The following WWTR1 variants were observed in gnomAD, a reference collection of about 807,000 sequenced individuals.
The protein encoded by WWTR1 is WW domain-containing transcription regulator protein 1.
In WWTR1, 13 loss-of-function variants were observed where a neutral mutation model predicts 40.1. The observed-to-expected ratio is 0.32, with a 90% CI of 0.21 to 0.52. WWTR1 has a LOEUF of 0.52. WWTR1 is among the 20% of genes least tolerant of loss of function. WWTR1 has a pLI of 0.97. For missense variants in WWTR1, 436 were observed against 523.1 expected, an observed-to-expected ratio of 0.83 and a Z score of 1.63; for synonymous variants, 230 against 210.1, an observed-to-expected ratio of 1.09 and a Z score of -0.82.
chr3:149,641,872 C>T (rs1335470803), intron 2 of WWTR1, among the ~76,000 whole-genome samples: 1 of 152,200 alleles, frequency 6.6e-6, no homozygotes, highest in Non-Finnish European at 1.5e-5. Flanking sequence ...ACACAGCTTT[C>T]CAAGGCCCAA....
chr3:149,531,994 C>T lies in WWTR1; in HGVS notation c.772-4025G>A, dbSNP rs973068145. 3.3e-5 allele frequency among the ~76,000 whole-genome samples: 5 copies of T among 152,172 alleles called. No individual in the cohort carries two copies. In the South Asian group the frequency reaches 1.0e-3, roughly 31 times the overall value. Reference sequence around the variant, plus strand: ...GCTCCATCCTCAAGAAATGGTCCTGCTGCACTCTTTCCTGCTCCTCACATA... The same window carrying T: ...GCTCCATCCTCAAGAAATGGTCCTGTTGCACTCTTTCCTGCTCCTCACATA... On this transcript the variant is annotated intron_variant, in intron 4 of 6. Coordinates refer to ENST00000360632, the MANE Select transcript of WWTR1 (RefSeq NM_015472.6).
chr3:149,682,145 C>A (rs150468364), intron 1 of WWTR1, among the ~76,000 whole-genome samples: 1 of 152,276 alleles, frequency 6.6e-6, no homozygotes, highest in African/African-American at 2.4e-5. Context: ...CCATCTTCCA[C>A]CCTAACATTT....
At chr3:149,698,002 A>G (rs1715046078) in intron 1 of WWTR1, among the ~76,000 whole-genome samples, 1 of 152,230 alleles carries the variant, frequency 6.6e-6, no homozygotes, top group African/African-American at 2.4e-5. Flanking sequence ...TAGGCTTCCA[A>G]GGCCTTGAGC....
intron 2 of WWTR1, among the ~76,000 whole-genome samples, chr3:149,578,892 TA>T (rs952085512): frequency 2.6e-5 from 4 of 151,928 alleles, no homozygotes; most frequent in African/African-American, 9.7e-5. Context: ...TCAAAAAAAA[TA>T]AAATAAAATA....
intron 2 of WWTR1, among the ~76,000 whole-genome samples, chr3:149,605,422 G>A (rs1049465775): frequency 1.3e-5 from 2 of 152,124 alleles, no homozygotes; most frequent in African/African-American, 4.8e-5. Context: ...TGTATGAGGC[G>A]GGACTGAGAG....
At chr3:149,621,240 T>C (rs1318311903) in intron 2 of WWTR1, among the ~76,000 whole-genome samples, 1 of 152,248 alleles carries the variant, frequency 6.6e-6, no homozygotes, top group Non-Finnish European at 1.5e-5. Flanking sequence ...TTTTAAACTT[T>C]TCAAGTTTCT....
At chr3:149,528,785 C>A (rs1183594190) in intron 4 of WWTR1, among the ~76,000 whole-genome samples, 1 of 152,004 alleles carries the variant, frequency 6.6e-6, no homozygotes, top group Non-Finnish European at 1.5e-5. Context: ...AACAAAAAAA[C>A]AAAAAAGTCA....
chr3:149,544,668 C>T (rs1736287555), intron 3 of WWTR1, among the ~76,000 whole-genome samples: 1 of 152,160 alleles, frequency 6.6e-6, no homozygotes, highest in African/African-American at 2.4e-5. Flanking sequence ...TGTACCCCGT[C>T]CAACTGTCCC....
rs758803659 is a variant in WWTR1 at position 149,520,904 on chromosome 3, G to A, written c.1104C>T (p.Asn368=). Residue 368 remains asparagine (N), a synonymous_variant, in exon 7 of 7, where the codon AAC becomes AAT. Coordinates refer to ENST00000360632, the MANE Select transcript of WWTR1 (RefSeq NM_015472.6). The stretch of plus-strand genomic sequence containing the variant: ...CAGATTCCAAAGTTCCTAAGTCAAC[G>A]TTTGTTCCTGGAAGACAGTCAAGGA... ...PDFLDCLPGT[N]VDLGTLESED... is the part of the protein sequence containing the mutation. The A allele has an allele frequency of 1.2e-5, 19 of 1,613,516 alleles. No homozygotes were observed. Among genetic ancestry groups the A allele is most frequent in the Admixed American group, 3.3e-5 (2 of 59,932 alleles).
At chr3:149,579,458 C>T (rs937948254) in intron 2 of WWTR1, among the ~76,000 whole-genome samples, 1 of 152,100 alleles carries the variant, frequency 6.6e-6, no homozygotes, top group Non-Finnish European at 1.5e-5. Context: ...TAGCCTCTGT[C>T]CTTACTACCT....
intron 3 of WWTR1, among the ~76,000 whole-genome samples, chr3:149,566,047 T>C (rs550994874): frequency 5.3e-5 from 8 of 150,702 alleles, no homozygotes; most frequent in African/African-American, 2.0e-4. Flanking sequence ...TCTAAGAAAA[T>C]TGAGGGCACA....
At chr3:149,524,604 C>T (rs1735206135) in intron 6 of WWTR1, among the ~76,000 whole-genome samples, 1 of 152,196 alleles carries the variant, frequency 6.6e-6, no homozygotes, top group Admixed American at 6.5e-5. Flanking sequence ...TCAGTGCAAA[C>T]TATTCCTGTG....
At chr3:149,600,337 A>G (rs2108048287) in intron 2 of WWTR1, among the ~76,000 whole-genome samples, 1 of 152,320 alleles carries the variant, frequency 6.6e-6, no homozygotes, top group South Asian at 2.1e-4. Context: ...TGGGAATATA[A>G]TTGAGTTAAT....
At chr3:149,648,432 A>C (rs907934017) in intron 2 of WWTR1, among the ~76,000 whole-genome samples, 15 of 152,014 alleles carry the variant, frequency 9.9e-5, no homozygotes, top group African/African-American at 3.4e-4. Flanking sequence ...GAAAACCAAA[A>C]CTAAACAAAA....
At chr3:149,624,722 T>C (rs1305384952) in intron 2 of WWTR1, among the ~76,000 whole-genome samples, 2 of 152,078 alleles carry the variant, frequency 1.3e-5, no homozygotes, top group Non-Finnish European at 2.9e-5. Context: ...TTTTTTTAGA[T>C]GGAGTTTGAC....
chr3:149,682,393 T>C (rs887449961), intron 1 of WWTR1, among the ~76,000 whole-genome samples: 4 of 152,178 alleles, frequency 2.6e-5, no homozygotes, highest in African/African-American at 9.7e-5. Context: ...AAAAAATGTA[T>C]TGAGGTCTTT....
chr3:149,576,178 A>G (rs966073343), intron 2 of WWTR1: 3 of 446,922 alleles, frequency 6.7e-6, no homozygotes, highest in South Asian at 1.6e-5. Flanking sequence ...CTGCGCTAAC[A>G]TGGTGTCAAG....
upstream of WWTR1, among the ~76,000 whole-genome samples, chr3:149,663,030 C>A (rs370649968): frequency 6.6e-6 from 1 of 152,038 alleles, no homozygotes; most frequent in Non-Finnish European, 1.5e-5. Context: ...CACTGCCTTA[C>A]ATTGTTTTGT....
At chr3:149,669,229 C>T (rs969384074) in intron 2 of WWTR1, among the ~76,000 whole-genome samples, 1 of 152,216 alleles carries the variant, frequency 6.6e-6, no homozygotes, top group Non-Finnish European at 1.5e-5. Flanking sequence ...TATACCCCCA[C>T]ATATACAAGA....
Sources: gnomAD v4.1 joint callset for allele counts (sites outside exome capture counted in the v4.1 genomes callset) on GRCh38, gnomAD v4.1.1 for gene constraint, MANE v1.5 for transcripts, NCBI Gene and HGNC (gene_info 2026-07-23, HGNC 2026-07-21) for gene names.